The following MEF2A variants were observed in gnomAD, a reference collection of about 807,000 sequenced individuals.
The protein encoded by MEF2A is myocyte-specific enhancer factor 2A.
A neutral mutation model predicts 55.8 loss-of-function variants in MEF2A; 28 were observed. The observed-to-expected ratio is 0.50, with a 90% CI of 0.37 to 0.69. The LOEUF is 0.69. Ranked by LOEUF, MEF2A falls within the 30% of genes least tolerant of loss-of-function variation. MEF2A has a pLI of 0.00. For missense variants in MEF2A, 528 were observed against 626.2 expected, an observed-to-expected ratio of 0.84 and a Z score of 1.67; for synonymous variants, 239 against 227.1, an observed-to-expected ratio of 1.05 and a Z score of -0.47.
intron 1 of MEF2A, among the ~76,000 whole-genome samples, chr15:99,581,151 TAGTA>T (rs1453234436): frequency 2.0e-5 from 3 of 152,154 alleles, no homozygotes; most frequent in Non-Finnish European, 2.9e-5. Context: ...TCCTTAGAGT[TAGTA>T]AGTAGTCTGT....
chr15:99,642,752 G>A (rs1272113567), intron 3 of MEF2A, among the ~76,000 whole-genome samples: 1 of 152,154 alleles, frequency 6.6e-6, no homozygotes, highest in Non-Finnish European at 1.5e-5. Flanking sequence ...TGTGAATCTT[G>A]TAGCACTAAT....
At chr15:99,623,809 T>TG (rs2041635007) in intron 2 of MEF2A, among the ~76,000 whole-genome samples, 1 of 152,064 alleles carries the variant, frequency 6.6e-6, no homozygotes, top group South Asian at 2.1e-4. Flanking sequence ...TCTGCCGTTT[T>TG]TTTTTTTTTT....
At chr15:99,616,918 T>C (rs910034160) in intron 2 of MEF2A, among the ~76,000 whole-genome samples, 3 of 152,198 alleles carry the variant, frequency 2.0e-5, no homozygotes, top group African/African-American at 7.2e-5. Flanking sequence ...ATTGGTTGGC[T>C]GGATGTGAGA....
At chr15:99,638,975 A>G (rs2044390203) in intron 3 of MEF2A, among the ~76,000 whole-genome samples, 1 of 152,160 alleles carries the variant, frequency 6.6e-6, no homozygotes. Context: ...AGTTGATTTC[A>G]GTGGGTTCTT....
At chr15:99,633,993 A>G (rs2043347208) in intron 3 of MEF2A, among the ~76,000 whole-genome samples, 1 of 152,244 alleles carries the variant, frequency 6.6e-6, no homozygotes, top group African/African-American at 2.4e-5. Flanking sequence ...GAAAAAGTTT[A>G]CCAACTCCTT....
At chr15:99,679,533 T>C (rs1033159875) in intron 7 of MEF2A, among the ~76,000 whole-genome samples, 4 of 152,248 alleles carry the variant, frequency 2.6e-5, no homozygotes, top group African/African-American at 7.2e-5. Context: ...GATGCTTGTG[T>C]AGATAGATGG....
rs1347253692 is a variant in MEF2A, at chr15:99,598,448, AAAG to A, written c.-203_-201del. 6.6e-5 allele frequency: 10 copies of A among 152,148 alleles called. No individual in the cohort carries two copies. The highest frequency in any genetic ancestry group is 1.0e-4 in the Non-Finnish European group (7 of 68,026). 9.4% of individuals were successfully genotyped at this position (152,148 alleles called of 1,614,324 possible). On this transcript the variant is annotated 5_prime_UTR_variant, in exon 2 of 12. Coordinates refer to ENST00000557942, the MANE Select transcript of MEF2A (RefSeq NM_001319206.4). ...TTTTAAGGAATTGCATTTTGTGAAA[AAAG>A]AACAAGAATTTTCTGCAAGGATCAT...
At chr15:99,631,027 A>G (rs914176907) in intron 2 of MEF2A, among the ~76,000 whole-genome samples, 5 of 152,158 alleles carry the variant, frequency 3.3e-5, no homozygotes, top group African/African-American at 1.2e-4. Flanking sequence ...CAGATTCTCT[A>G]GTTTTGAAAG....
At chr15:99,659,740 A>T (rs1035804678) in intron 4 of MEF2A, among the ~76,000 whole-genome samples, 4 of 152,194 alleles carry the variant, frequency 2.6e-5, no homozygotes, top group East Asian at 1.9e-4. Context: ...AAGATGAACT[A>T]GAGGATCACA....
At chr15:99,704,130 G>C (rs1049234170) in intron 9 of MEF2A, among the ~76,000 whole-genome samples, 9 of 152,152 alleles carry the variant, frequency 5.9e-5, no homozygotes, top group African/African-American at 2.2e-4. Context: ...ACTTTAAGGG[G>C]AATAAAAACT....
In MEF2A at chr15:99,712,943, TACAC is replaced by T; in HGVS notation, c.*174_*177del. The stretch of plus-strand genomic sequence containing the variant: ...TGTGTATGTGTGGGTGTGTGTTACA[TACAC>T]AGAATCAGGCACTTACCTGCAAACT... On this transcript the variant is annotated 3_prime_UTR_variant, in exon 12 of 12. Transcript: ENST00000557942. This position sits in a 1 kb window ranked among gnomAD's most constrained non-coding sequence, Gnocchi z 4.1. 3 of 776,816 alleles carry T rather than the reference TACAC, an allele frequency of 3.9e-6. No homozygotes were observed. Among genetic ancestry groups the T allele is most frequent in the Non-Finnish European group, 6.0e-6 (3 of 499,438 alleles). The allele number at this position is 776,816 out of a possible 1,614,324, so 48.1% of individuals were successfully genotyped here.
intron 2 of MEF2A, among the ~76,000 whole-genome samples, chr15:99,619,345 G>A (rs1407288145): frequency 6.6e-6 from 1 of 152,160 alleles, no homozygotes; most frequent in African/African-American, 2.4e-5. Flanking sequence ...ACAGCGGTTG[G>A]AGTGCTGTTC....
chr15:99,620,752 T>C (rs1596527100), intron 2 of MEF2A: 1 of 152,084 alleles, frequency 6.6e-6, no homozygotes, highest in Non-Finnish European at 1.5e-5. Context: ...CTTTGAGAAA[T>C]CTCCAAACTG....
At chr15:99,623,143 A>G (rs750264268) in intron 2 of MEF2A, among the ~76,000 whole-genome samples, 2 of 152,136 alleles carry the variant, frequency 1.3e-5, no homozygotes, top group Non-Finnish European at 2.9e-5. Context: ...CTTCATACCA[A>G]TGGACTCATT....
intron 1 of MEF2A, among the ~76,000 whole-genome samples, chr15:99,578,962 TG>T (rs1490702294): frequency 6.6e-6 from 1 of 152,232 alleles, no homozygotes; most frequent in Non-Finnish European, 1.5e-5. Flanking sequence ...CTAAGGTGTG[TG>T]GCTTTTGAGT....
chr15:99,661,253 A>C (rs1431357468), intron 4 of MEF2A, among the ~76,000 whole-genome samples: 1 of 152,168 alleles, frequency 6.6e-6, no homozygotes, highest in East Asian at 1.9e-4. Flanking sequence ...GTAAAAGGCA[A>C]AATTATAAAG....
intron 2 of MEF2A, among the ~76,000 whole-genome samples, chr15:99,607,060 G>A (rs146446061): frequency 3.3e-5 from 5 of 152,264 alleles, no homozygotes; most frequent in Non-Finnish European, 4.4e-5. Context: ...CACACATTAT[G>A]TGTGATTCCA....
rs752893222 is a variant in MEF2A at position 99,713,232 on chromosome 15, A to G, written c.*461A>G. 7 of 394,618 alleles carry G rather than the reference A, an allele frequency of 1.8e-5. No homozygotes were observed. Among genetic ancestry groups the G allele is most frequent in the Non-Finnish European group, 2.7e-5 (6 of 224,286 alleles). 24.4% of individuals were successfully genotyped at this position (394,618 alleles called of 1,614,324 possible). ...GAGCAGTAGAAAAGCAGGAACCAAG[A>G]AAGCAATACTGTACATAAAATGTCA... On this transcript the variant is annotated 3_prime_UTR_variant, in exon 12 of 12. Transcript: ENST00000557942.
intron 4 of MEF2A, chr15:99,657,455 G>T (rs2153550991): frequency 6.6e-6 from 1 of 151,916 alleles, no homozygotes; most frequent in East Asian, 1.9e-4. Context: ...CTAAAAACTA[G>T]ATAAACTGTA....
Sources: gnomAD v4.1 joint callset for allele counts (sites outside exome capture counted in the v4.1 genomes callset) on GRCh38, gnomAD v4.1.1 for gene constraint, Gnocchi (gnomAD v3.1) non-coding constraint, MANE v1.5 for transcripts, NCBI Gene and HGNC (gene_info 2026-07-23, HGNC 2026-07-21) for gene names.